SIK2: variants seen among roughly 807,000 people sequenced by gnomAD.
SIK2 encodes salt inducible kinase 2.
Under a neutral mutation model 103.2 loss-of-function variants are expected in SIK2, and 29 were observed. The ratio of observed to expected loss-of-function variants is 0.28; its 90% confidence interval spans 0.21 to 0.38. SIK2 has a LOEUF of 0.38. SIK2 is among the 10% of genes least tolerant of loss of function. The pLI is 1.00. For missense variants in SIK2, 879 were observed against 1,171.0 expected (o/e 0.75, Z 3.64); for synonymous variants, 412 against 446.1 (o/e 0.92, Z 0.96).
At position 111,701,109 on chromosome 11, in the gene SIK2, G is replaced by C; in HGVS notation, c.603+99G>C. The C allele has an allele frequency of 7.0e-7, 1 of 1,438,124 alleles. No homozygotes were observed. Among genetic ancestry groups the C allele is most frequent in the Non-Finnish European group, 9.3e-7 (1 of 1,074,086 alleles). The allele number at this position is 1,438,124 out of a possible 1,614,324, so 89.1% of individuals were successfully genotyped here. On this transcript the variant is annotated intron_variant, in intron 5 of 14. Transcript: ENST00000304987. The surrounding 1 kb of genome is among the most constrained non-coding windows in gnomAD (Gnocchi z 4.2). Reference sequence around the variant, plus strand: ...GCTCCTGGTACTTAACACATAAGCAGTATTTCATATTTTCCCCATCCACTG... The same window carrying C: ...GCTCCTGGTACTTAACACATAAGCACTATTTCATATTTTCCCCATCCACTG...
chr11:111,699,505 A>G (rs1252536641), intron 4 of SIK2, among the ~76,000 whole-genome samples: 1 of 152,184 alleles, frequency 6.6e-6, no homozygotes, highest in East Asian at 1.9e-4. Context: ...ACATTTATAG[A>G]TATGGAAAAA....
At chr11:111,606,122 A>G (rs796441245) in intron 1 of SIK2, among the ~76,000 whole-genome samples, 3 of 152,296 alleles carry the variant, frequency 2.0e-5, no homozygotes, top group African/African-American at 7.2e-5. Flanking sequence ...TATCAATACT[A>G]TACAGTATTA....
In SIK2 at chr11:111,629,026, G is replaced by A. The variant is rs187543670; in HGVS notation, c.316+8624G>A. 9.9e-5 allele frequency among the ~76,000 whole-genome samples: 15 copies of A among 152,258 alleles called. No individual in the cohort carries two copies. The East Asian group carries it at 2.7e-3, about 27-fold the overall frequency. ...GTTTTTTAGGAAGATAAATCCAGCA[G>A]TGGTGTGTCAGCTGAATTAGAGGAG... On this transcript the variant is annotated intron_variant, in intron 3 of 14. Transcript: ENST00000304987.
chr11:111,612,948 T>TATATATATATATATATA (rs1555024123), intron 1 of SIK2, among the ~76,000 whole-genome samples: 6 of 95,722 alleles, frequency 6.3e-5, no homozygotes, highest in African/African-American at 1.9e-4. Context: ...ATATATATAT[T>TATATATATATATATATA]TATGATCATA....
chr11:111,724,319 G>C lies in SIK2; in HGVS notation c.*190G>C. 1 of 778,616 alleles carries C rather than the reference G, an allele frequency of 1.3e-6. No homozygotes were observed. Among genetic ancestry groups the C allele is most frequent in the Non-Finnish European group, 2.0e-6 (1 of 505,024 alleles). 48.2% of individuals were successfully genotyped at this position (778,616 alleles called of 1,614,324 possible). A position where few individuals can be genotyped will look rare whatever the true frequency, so the allele number is the denominator to read the frequency against. ...CCTCCTGGTTCTGCCCCACCACAAA[G>C]TTTTCTGTGGCAAGTGCTGGAACAT... On this transcript the variant is annotated 3_prime_UTR_variant, in exon 15 of 15. Coordinates refer to ENST00000304987, the MANE Select transcript of SIK2 (RefSeq NM_015191.3).
At chr11:111,620,442 T>C in intron 3 of SIK2, 40 bp downstream of exon 3, 1 of 1,313,974 alleles carries the variant, frequency 7.6e-7, no homozygotes, top group South Asian at 1.3e-5. Context: ...ATTTGAAAAA[T>C]TCACTAATCT....
chr11:111,687,349 T>C (rs1359797411), intron 3 of SIK2, among the ~76,000 whole-genome samples: 2 of 151,656 alleles, frequency 1.3e-5, no homozygotes, highest in Admixed American at 1.3e-4. Flanking sequence ...ACCCCATCTA[T>C]ACTAAAAATA....
chr11:111,711,238 CCTCCCAAGTAGCTGGGA>C (rs1259236898), intron 8 of SIK2, among the ~76,000 whole-genome samples: 2 of 151,900 alleles, frequency 1.3e-5, no homozygotes, highest in African/African-American at 4.8e-5. Context: ...CCTGCCTCAG[CCTCCCAAGTAGCTGGGA>C]CTACAGGCAC....
chr11:111,684,301 T>C (rs1474137304), intron 3 of SIK2, among the ~76,000 whole-genome samples: 1 of 152,226 alleles, frequency 6.6e-6, no homozygotes, highest in African/African-American at 2.4e-5. Flanking sequence ...GGACTCATTT[T>C]GTAGTCAGTA....
At chr11:111,718,789 T>TA (rs1943717793) in intron 9 of SIK2, 1 of 152,230 alleles carries the variant, frequency 6.6e-6, no homozygotes, top group Non-Finnish European at 1.5e-5. Context: ...ACTCAGCGTC[T>TA]TATGACTGGC....
intron 2 of SIK2, among the ~76,000 whole-genome samples, chr11:111,619,092 A>G (rs939515843): frequency 1.4e-4 from 22 of 152,178 alleles, no homozygotes; most frequent in African/African-American, 5.3e-4. Flanking sequence ...ATATTCTTCA[A>G]AGTCTCTGAT....
intron 8 of SIK2, among the ~76,000 whole-genome samples, chr11:111,706,815 C>T (rs1943360889): frequency 6.6e-6 from 1 of 151,770 alleles, no homozygotes; most frequent in Admixed American, 6.6e-5. Context: ...CAAAAATTAG[C>T]CGAGTGTGGC....
At chr11:111,631,385 C>T (rs753107092) in intron 3 of SIK2, among the ~76,000 whole-genome samples, 2 of 152,142 alleles carry the variant, frequency 1.3e-5, no homozygotes, top group African/African-American at 2.4e-5. Flanking sequence ...GGTAGACTCA[C>T]ATCAGCAGTG....
intron 3 of SIK2, among the ~76,000 whole-genome samples, chr11:111,628,608 G>A (rs1234099968): frequency 6.6e-6 from 1 of 151,644 alleles, no homozygotes; most frequent in Non-Finnish European, 1.5e-5. Flanking sequence ...AAATTTTTTT[G>A]TAGAGATGGG....
chr11:111,671,262 A>G, intron 3 of SIK2: 1 of 251,840 alleles, frequency 4.0e-6, no homozygotes, highest in Non-Finnish European at 7.9e-6. Context: ...CCAGGGCTAA[A>G]TTGATGTTCA....
chr11:111,605,744 G>A (rs1941641167), intron 1 of SIK2, among the ~76,000 whole-genome samples: 1 of 152,168 alleles, frequency 6.6e-6, no homozygotes, highest in African/African-American at 2.4e-5. Context: ...TACAGAACTT[G>A]GGAGATTCAA....
intron 3 of SIK2, chr11:111,670,807 G>C (rs1381138610): frequency 6.6e-6 from 1 of 152,292 alleles, no homozygotes; most frequent in Non-Finnish European, 1.5e-5. Context: ...GGTACCCCAG[G>C]CAATAAACTC....
intron 1 of SIK2, among the ~76,000 whole-genome samples, chr11:111,616,040 A>C (rs978486917): frequency 6.6e-6 from 1 of 152,236 alleles, no homozygotes; most frequent in African/African-American, 2.4e-5. Context: ...CACACTAAAG[A>C]CACTGCCAAA....
chr11:111,665,181 A>T (rs1030974133), intron 3 of SIK2, among the ~76,000 whole-genome samples: 2 of 152,076 alleles, frequency 1.3e-5, no homozygotes, highest in African/African-American at 4.8e-5. Flanking sequence ...GGATGGAATG[A>T]TCACAGTAAG....
Sources: allele counts gnomAD v4.1 joint callset (sites outside exome capture counted in the v4.1 genomes callset), GRCh38; gene constraint gnomAD v4.1.1; non-coding constraint Gnocchi (gnomAD v3.1); transcripts MANE v1.5; gene names NCBI Gene and HGNC (gene_info 2026-07-23, HGNC 2026-07-21).